SLC24A4: variants seen among roughly 807,000 people sequenced by gnomAD.
SLC24A4 encodes the protein sodium/potassium/calcium exchanger 4.
A neutral mutation model predicts 79.0 loss-of-function variants in SLC24A4; 53 were observed. That is an observed-to-expected ratio of 0.67 (90% CI 0.54 to 0.84). The LOEUF (loss-of-function observed/expected upper bound fraction) is 0.84. Ranked by LOEUF, SLC24A4 falls within the 40% of genes least tolerant of loss-of-function variation. SLC24A4 has a pLI of 0.00. For missense variants in SLC24A4, 731 were observed against 822.0 expected, an observed-to-expected ratio of 0.89 and a Z score of 1.35; for synonymous variants, 323 against 323.8, an observed-to-expected ratio of 1.00 and a Z score of 0.03.
chr14:92,460,120 C>G (rs564378899), intron 12 of SLC24A4, among the ~76,000 whole-genome samples: 2 of 152,108 alleles, frequency 1.3e-5, no homozygotes, highest in Non-Finnish European at 2.9e-5. Context: ...AGTCTAGCCC[C>G]GTGCCAATGT....
chr14:92,336,751 G>A (rs1339559253), intron 2 of SLC24A4, among the ~76,000 whole-genome samples: 2 of 152,184 alleles, frequency 1.3e-5, no homozygotes, highest in African/African-American at 2.4e-5. Context: ...TAGGGAGGGT[G>A]CCACAGAGGA....
intron 14 of SLC24A4, among the ~76,000 whole-genome samples, chr14:92,489,433 GA>G (rs886981792): frequency 1.2e-4 from 18 of 147,780 alleles, no homozygotes; most frequent in South Asian, 8.6e-4. Context: ...GTCTCAAAAA[GA>G]AAAAAAAAAT....
chr14:92,341,446 G>A (rs1595137088), intron 2 of SLC24A4, among the ~76,000 whole-genome samples: 1 of 152,220 alleles, frequency 6.6e-6, no homozygotes, highest in Non-Finnish European at 1.5e-5. Flanking sequence ...ACCTGCAGGA[G>A]TGTCGATAAA....
chr14:92,350,394 A>T (rs989524691), intron 2 of SLC24A4, among the ~76,000 whole-genome samples: 1 of 152,140 alleles, frequency 6.6e-6, no homozygotes, highest in African/African-American at 2.4e-5. Flanking sequence ...GACTCCAGGT[A>T]GAAGCAATAA....
At chr14:92,401,064 C>A (rs896322962) in intron 2 of SLC24A4, among the ~76,000 whole-genome samples, 2 of 152,156 alleles carry the variant, frequency 1.3e-5, no homozygotes, top group African/African-American at 4.8e-5. Flanking sequence ...CAGTATCTGG[C>A]AGTCCTTGCT....
intron 4 of SLC24A4, 111 bp downstream of exon 4, chr14:92,439,520 C>A (rs2139804983): frequency 1.0e-6 from 1 of 989,046 alleles, no homozygotes; most frequent in Non-Finnish European, 1.6e-6. Flanking sequence ...GTGGCAAAGA[C>A]TGTCACACCG....
At chr14:92,348,520 T>C (rs1409245144) in intron 2 of SLC24A4, among the ~76,000 whole-genome samples, 1 of 152,226 alleles carries the variant, frequency 6.6e-6, no homozygotes, top group African/African-American at 2.4e-5. Flanking sequence ...CTGTTCTAGG[T>C]CACAAAGTTG....
intron 2 of SLC24A4, among the ~76,000 whole-genome samples, chr14:92,363,796 C>T (rs1165991083): frequency 6.6e-6 from 1 of 151,992 alleles, no homozygotes; most frequent in East Asian, 1.9e-4. Context: ...CGCCACTGTA[C>T]TCCAGCCTGG....
rs752882613 is a variant in SLC24A4, at chr14:92,482,824, TCTC to T, written c.1403_1405del (p.Ser468del). On this transcript the variant is annotated inframe_deletion, in exon 13 of 17. Transcript: ENST00000532405. ...ACCGCCACGCTGTGGATCGCTGTGTTCTCCTACATCATGGTGTGGCTGGTGAGT... is the reference window on the plus strand; with the variant it reads ...ACCGCCACGCTGTGGATCGCTGTGTTCTACATCATGGTGTGGCTGGTGAGT... The T allele has an allele frequency of 1.2e-6, 2 of 1,613,058 alleles. No individual in the cohort carries two copies. The highest frequency in any genetic ancestry group is 1.7e-6 in the Non-Finnish European group (2 of 1,179,338).
rs574428780 is a variant in SLC24A4, at chr14:92,481,457, A to C, written c.1256-1223A>C. ...AAGCTCAGATTCTGGTAAAATAAAG[A>C]CAGCCTTGAAAGTGGAGTCTTCTAA... is the stretch of plus-strand genomic sequence containing the variant. On this transcript the variant is annotated intron_variant, in intron 12 of 16. Transcript: ENST00000532405. 7.2e-5 allele frequency among the ~76,000 whole-genome samples: 11 copies of C among 152,370 alleles called. No homozygotes were observed. In the South Asian group the frequency reaches 2.3e-3, roughly 32 times the overall value.
chr14:92,383,040 C>G (rs1305231518), intron 2 of SLC24A4, among the ~76,000 whole-genome samples: 2 of 152,084 alleles, frequency 1.3e-5, no homozygotes, highest in African/African-American at 4.8e-5. Flanking sequence ...GCCAGGCCCC[C>G]ACTGGCCACG....
intron 2 of SLC24A4, among the ~76,000 whole-genome samples, chr14:92,385,494 T>C (rs55718217): frequency 0.054 from 6,922 of 127,436 alleles, 550 homozygotes; most frequent in African/African-American, 0.21. Flanking sequence ...AGACTCCGTC[T>C]TTAAAAAAAA....
intron 2 of SLC24A4, among the ~76,000 whole-genome samples, chr14:92,397,302 G>C (rs1278680156): frequency 6.6e-6 from 1 of 152,194 alleles, no homozygotes; most frequent in African/African-American, 2.4e-5. Flanking sequence ...CTCCGGCTTG[G>C]CATCTGGCTG....
chr14:92,383,902 C>T (rs1003904540), intron 2 of SLC24A4, among the ~76,000 whole-genome samples: 2 of 152,222 alleles, frequency 1.3e-5, no homozygotes, highest in Non-Finnish European at 2.9e-5. Flanking sequence ...GGTCCCAAGC[C>T]ATGCCTGGCT....
chr14:92,346,984 C>T (rs531794038), intron 2 of SLC24A4, among the ~76,000 whole-genome samples: 11 of 152,228 alleles, frequency 7.2e-5, no homozygotes, highest in East Asian at 5.8e-4. Context: ...AGTCAGGGTT[C>T]GGCTGAGCTA....
chr14:92,396,145 C>T (rs1353707201), intron 2 of SLC24A4, among the ~76,000 whole-genome samples: 1 of 152,194 alleles, frequency 6.6e-6, no homozygotes, highest in Non-Finnish European at 1.5e-5. Flanking sequence ...TTAATTGCTG[C>T]TCTTCTTGCC....
intron 12 of SLC24A4, among the ~76,000 whole-genome samples, chr14:92,465,143 C>G (rs1894033289): frequency 6.6e-6 from 1 of 152,206 alleles, no homozygotes; most frequent in Non-Finnish European, 1.5e-5. Context: ...CCCAGGGCCT[C>G]CAAATTCAAG....
Position 92,493,573 on chromosome 14 carries a change from TAG to T in SLC24A4, c.1817_1818del (p.Glu606ValfsTer2). ...ATCTTCTTGTGCTTCTCCATAATGA[TAG>T]AGTTTAACGTCTTTACCTTCGTCAA... On this transcript the variant is annotated frameshift_variant, in exon 17 of 17. Transcript: ENST00000532405. LOFTEE classifies it high-confidence loss of function. 2.5e-6 allele frequency: 4 copies of T among 1,614,162 alleles called. No homozygotes were observed. The highest frequency in any genetic ancestry group is 3.4e-6 in the Non-Finnish European group (4 of 1,180,036).
chr14:92,324,289 T>G (rs1238465630), intron 1 of SLC24A4, among the ~76,000 whole-genome samples: 1 of 152,182 alleles, frequency 6.6e-6, no homozygotes, highest in Non-Finnish European at 1.5e-5. Flanking sequence ...GCAGGCAGGA[T>G]TCTCTTGGTC....
Sources: allele counts gnomAD v4.1 joint callset (sites outside exome capture counted in the v4.1 genomes callset), GRCh38; gene constraint gnomAD v4.1.1; transcripts MANE v1.5; gene names NCBI Gene and HGNC (gene_info 2026-07-23, HGNC 2026-07-21).